Variants in CACNA1E observed in about 807,000 individuals in gnomAD.
The protein encoded by CACNA1E is voltage-dependent R-type calcium channel subunit alpha-1E.
A neutral mutation model predicts 259.2 loss-of-function variants in CACNA1E; 40 were observed. The observed-to-expected ratio is 0.15, with a 90% CI of 0.12 to 0.20. The LOEUF (loss-of-function observed/expected upper bound fraction) is 0.20, where lower values mean the gene tolerates loss of function less well. Among genes scored for constraint, CACNA1E ranks in the 10% least tolerant of loss-of-function variants. The probability of loss-of-function intolerance (pLI) is 1.00; values close to 1 mark genes in which losing one functional copy is unlikely to be tolerated. For missense variants in CACNA1E, 1,874 were observed against 3,040.1 expected, an observed-to-expected ratio of 0.62 and a Z score of 9.02; for synonymous variants, 1,104 against 1,138.5, an observed-to-expected ratio of 0.97 and a Z score of 0.61.
rs1658231965 is a variant in CACNA1E, at chr1:181,757,931, C to T, written c.4330-16C>T. The T allele has an allele frequency of 6.2e-7, 1 of 1,613,018 alleles. No individual in the cohort carries two copies. On this transcript the variant is annotated splice_polypyrimidine_tract_variant and intron_variant, in intron 30 of 47. Transcript: ENST00000367573. ...GGGGATTTGAATTTGTGCTAATAAC[C>T]ATGACTTTCTTGCAGAGGGCGTGCA... is the stretch of plus-strand genomic sequence containing the variant.
At chr1:181,571,309 A>G (rs886502201) in intron 3 of CACNA1E, among the ~76,000 whole-genome samples, 7 of 152,294 alleles carry the variant, frequency 4.6e-5, no homozygotes, top group Non-Finnish European at 1.0e-4. Context: ...TCCTAGTTCA[A>G]CTAGCTTTTG....
exon 2 of CACNA1E, chr1:181,413,308 G>A (rs1658006422): frequency 6.6e-6 from 1 of 152,422 alleles, no homozygotes; most frequent in Admixed American, 6.5e-5. Flanking sequence ...AGTGCGCTCT[G>A]CTCGAGGCCG....
Position 181,733,155 on chromosome 1 carries a change from C to T in CACNA1E, c.2948+121C>T, listed in dbSNP as rs904852598. The T allele has an allele frequency of 6.6e-6, 9 of 1,358,934 alleles. No individual in the cohort carries two copies. In the African/African-American group the frequency reaches 1.0e-4, roughly 16 times the overall value. The allele number at this position is 1,358,934 out of a possible 1,614,324, so 84.2% of individuals were successfully genotyped here. ...TTATAAAATGGAAATGATGCTGACA[C>T]ACACTTTGTGAGGTATGAATAAATA... On this transcript the variant is annotated intron_variant, in intron 20 of 47. Coordinates refer to ENST00000367573, the MANE Select transcript of CACNA1E (RefSeq NM_001205293.3).
intron 1 of CACNA1E, among the ~76,000 whole-genome samples, chr1:181,327,399 A>G (rs1571571401): frequency 6.6e-6 from 1 of 152,178 alleles, no homozygotes; most frequent in Non-Finnish European, 1.5e-5. Context: ...TGTATGTGGT[A>G]TATATATATC....
At chr1:181,628,869 A>C (rs1024555448) in intron 6 of CACNA1E, among the ~76,000 whole-genome samples, 1 of 152,214 alleles carries the variant, frequency 6.6e-6, no homozygotes, top group Non-Finnish European at 1.5e-5. Context: ...GCTAACATTC[A>C]GATTTGGATT....
At chr1:181,565,869 T>C (rs1010068667) in intron 3 of CACNA1E, among the ~76,000 whole-genome samples, 1 of 122,594 alleles carries the variant, frequency 8.2e-6, no homozygotes, top group Non-Finnish European at 1.9e-5. Context: ...TCACAACTGC[T>C]TGTTCCTGGT....
chr1:181,461,929 C>T (rs200469596), intron 2 of CACNA1E, among the ~76,000 whole-genome samples: 1 of 152,104 alleles, frequency 6.6e-6, no homozygotes, highest in Non-Finnish European at 1.5e-5. Flanking sequence ...TCCCTACACA[C>T]ATACCTGTAT....
At chr1:181,685,696 G>T (rs970880466) in intron 7 of CACNA1E, among the ~76,000 whole-genome samples, 2 of 152,070 alleles carry the variant, frequency 1.3e-5, no homozygotes, top group South Asian at 4.1e-4. Flanking sequence ...GTTAATTTTG[G>T]TGGGGAAAGC....
chr1:181,383,875 G>A (rs1425927042), intron 1 of CACNA1E, among the ~76,000 whole-genome samples: 2 of 152,128 alleles, frequency 1.3e-5, no homozygotes, highest in Admixed American at 6.5e-5. Context: ...CATCATCCAG[G>A]CCTTTTCTCT....
At chr1:181,510,809 G>T (rs1666101641) in intron 2 of CACNA1E, among the ~76,000 whole-genome samples, 1 of 152,200 alleles carries the variant, frequency 6.6e-6, no homozygotes, top group African/African-American at 2.4e-5. Flanking sequence ...GAAAGGGCAG[G>T]CACAGGCCCA....
At chr1:181,362,899 C>T (rs948678067) in intron 1 of CACNA1E, among the ~76,000 whole-genome samples, 2 of 152,208 alleles carry the variant, frequency 1.3e-5, no homozygotes, top group East Asian at 3.8e-4. Context: ...CTGTAACCCT[C>T]CCTCTGGGAG....
chr1:181,444,177 C>G (rs564995424), intron 2 of CACNA1E, among the ~76,000 whole-genome samples: 1 of 152,004 alleles, frequency 6.6e-6, no homozygotes, highest in Non-Finnish European at 1.5e-5. Flanking sequence ...GCAGGGTGGC[C>G]GAGAAAAAGC....
chr1:181,441,159 C>CT (rs1184390623), intron 2 of CACNA1E, among the ~76,000 whole-genome samples: 1 of 151,984 alleles, frequency 6.6e-6, no homozygotes, highest in Admixed American at 6.6e-5. Context: ...ATTCATTGCT[C>CT]TTTTTTGAGA....
intron 2 of CACNA1E, among the ~76,000 whole-genome samples, chr1:181,448,008 T>G (rs1472402039): frequency 6.6e-6 from 1 of 152,216 alleles, no homozygotes; most frequent in Non-Finnish European, 1.5e-5. Flanking sequence ...AGATAAGAGA[T>G]TATGTAATTA....
chr1:181,751,639 T>G (rs1025985362), intron 26 of CACNA1E, among the ~76,000 whole-genome samples: 1 of 152,226 alleles, frequency 6.6e-6, no homozygotes, highest in Non-Finnish European at 1.5e-5. Context: ...AGTGCCCTGA[T>G]GAGACTTGCT....
chr1:181,524,079 A>AC (rs1250008566), intron 3 of CACNA1E, among the ~76,000 whole-genome samples: 4 of 152,068 alleles, frequency 2.6e-5, no homozygotes, highest in African/African-American at 9.7e-5. Flanking sequence ...AGGCCCCACC[A>AC]CCCCACACTA....
At chr1:181,627,536 G>A (rs916943218) in intron 6 of CACNA1E, among the ~76,000 whole-genome samples, 2 of 152,206 alleles carry the variant, frequency 1.3e-5, no homozygotes, top group Admixed American at 1.3e-4. Context: ...GCAAAGTAGA[G>A]CCACTGCAGG....
intron 7 of CACNA1E, among the ~76,000 whole-genome samples, chr1:181,654,566 G>T (rs572856590): frequency 1.3e-4 from 20 of 152,280 alleles, no homozygotes; most frequent in Admixed American, 1.1e-3. Flanking sequence ...AGGCAACGTG[G>T]ATGTCCATAA....
intron 2 of CACNA1E, among the ~76,000 whole-genome samples, chr1:181,462,344 A>G (rs1190949730): frequency 6.6e-6 from 1 of 152,234 alleles, no homozygotes; most frequent in East Asian, 1.9e-4. Flanking sequence ...TACCTCCTTC[A>G]GGAAAGGTTG....
Sources: allele counts gnomAD v4.1 joint callset (sites outside exome capture counted in the v4.1 genomes callset), GRCh38; gene constraint gnomAD v4.1.1; transcripts MANE v1.5; gene names NCBI Gene and HGNC (gene_info 2026-07-23, HGNC 2026-07-21).